Variants in KCNH1 observed in about 807,000 individuals in gnomAD.
The protein encoded by KCNH1 is potassium voltage-gated channel subfamily H member 1, also known as voltage-gated delayed rectifier potassium channel KCNH1.
Under a neutral mutation model 69.2 loss-of-function variants are expected in KCNH1, and 27 were observed. That is an observed-to-expected ratio of 0.39 (90% CI 0.29 to 0.54). The LOEUF is 0.54. Ranked by LOEUF, KCNH1 falls within the 20% of genes least tolerant of loss-of-function variation. KCNH1 has a pLI of 0.68. For missense variants in KCNH1, 798 were observed against 1,261.6 expected (o/e 0.63, Z 5.57); for synonymous variants, 456 against 487.7 (o/e 0.93, Z 0.86).
At chr1:211,061,359 C>T (rs1690430472) in intron 5 of KCNH1, among the ~76,000 whole-genome samples, 1 of 151,944 alleles carries the variant, frequency 6.6e-6, no homozygotes, top group East Asian at 1.9e-4. Context: ...TAGTATAATA[C>T]CGAATGGGGA....
chr1:211,102,319 C>T (rs550977834), intron 3 of KCNH1, among the ~76,000 whole-genome samples: 35 of 152,270 alleles, frequency 2.3e-4, no homozygotes, highest in Admixed American at 7.2e-4. Context: ...GAGAAAGCCA[C>T]GGTTGGTATG....
rs1020001293 is a variant in KCNH1, at chr1:211,134,132, G to C, written c.-187C>G. On this transcript the variant is annotated 5_prime_UTR_variant, in exon 1 of 11. Coordinates refer to ENST00000271751, the MANE Select transcript of KCNH1 (RefSeq NM_172362.3). The surrounding 1 kb of genome is among the most constrained non-coding windows in gnomAD (Gnocchi z 5.7). ...GCCCTCTTCGCGCCTCCCTCCCTGC[G>C]GCCCGCCTCGCAGTGCACTCGCGCC... is the stretch of plus-strand genomic sequence containing the variant. 1.0e-5 allele frequency: 5 copies of C among 482,398 alleles called. No homozygotes were observed. Among genetic ancestry groups the C allele is most frequent in the Admixed American group, 4.4e-5 (1 of 22,746 alleles). The allele number at this position is 482,398 out of a possible 1,614,324, so 29.9% of individuals were successfully genotyped here.
intron 9 of KCNH1, among the ~76,000 whole-genome samples, chr1:210,790,314 G>C (rs1684187994): frequency 6.6e-6 from 1 of 152,150 alleles, no homozygotes; most frequent in Non-Finnish European, 1.5e-5. Context: ...AATGTAACAA[G>C]TCAAAATGAA....
At chr1:211,046,054 TAC>T (rs1412511296) in intron 5 of KCNH1, among the ~76,000 whole-genome samples, 1 of 152,222 alleles carries the variant, frequency 6.6e-6, no homozygotes, top group Non-Finnish European at 1.5e-5. Flanking sequence ...CATAGTGTTA[TAC>T]ACCCTATTTC....
chr1:210,847,996 T>C lies in KCNH1; in HGVS notation c.1463-43830A>G, dbSNP rs140590095. On this transcript the variant is annotated intron_variant, in intron 7 of 10. Coordinates refer to ENST00000271751, the MANE Select transcript of KCNH1 (RefSeq NM_172362.3). ...TGTCGTTTAAGATGAAAAACAGTGA[T>C]AACTGCTGAGAAATCTCAGCCTTAA... 3.6e-3 allele frequency among the ~76,000 whole-genome samples: 554 copies of C among 152,230 alleles called. 4 individuals carry two copies. The highest frequency in any genetic ancestry group is 0.013 in the African/African-American group (530 of 41,540).
At chr1:211,032,161 G>A (rs1689797704) in intron 5 of KCNH1, among the ~76,000 whole-genome samples, 1 of 152,138 alleles carries the variant, frequency 6.6e-6, no homozygotes, top group Admixed American at 6.6e-5. Flanking sequence ...CCCATTCACA[G>A]TAGCTTCAAA....
At chr1:210,823,781 G>C (rs1684980719) in intron 7 of KCNH1, among the ~76,000 whole-genome samples, 1 of 152,106 alleles carries the variant, frequency 6.6e-6, no homozygotes, top group Non-Finnish European at 1.5e-5. Flanking sequence ...CAACCAAGTG[G>C]TAGAGCCAAG....
intron 6 of KCNH1, among the ~76,000 whole-genome samples, chr1:210,991,278 T>C (rs1447441364): frequency 8.5e-5 from 13 of 152,148 alleles, no homozygotes; most frequent in Admixed American, 8.5e-4. Flanking sequence ...TACAGCGTTT[T>C]TTAAGAAGAA....
chr1:211,035,453 T>G (rs1273523808), intron 5 of KCNH1, among the ~76,000 whole-genome samples: 2 of 151,336 alleles, frequency 1.3e-5, no homozygotes, highest in African/African-American at 2.4e-5. Context: ...TTTCACCGTT[T>G]TAGCCGGGAT....
chr1:211,053,411 T>A (rs1404628117), intron 5 of KCNH1, among the ~76,000 whole-genome samples: 3 of 152,166 alleles, frequency 2.0e-5, no homozygotes, highest in Non-Finnish European at 4.4e-5. Flanking sequence ...GCAGGGGTTA[T>A]CGGAACCAGT....
intron 1 of KCNH1, among the ~76,000 whole-genome samples, chr1:211,120,430 T>C (rs1571663392): frequency 6.6e-6 from 1 of 152,266 alleles, no homozygotes; most frequent in Non-Finnish European, 1.5e-5. Flanking sequence ...CCTCAGCTGA[T>C]CCACCTGCCT....
At chr1:210,887,722 C>CAA (rs35066964) in intron 7 of KCNH1, among the ~76,000 whole-genome samples, 480 of 54,948 alleles carry the variant, frequency 8.7e-3, no homozygotes, top group East Asian at 0.024. Flanking sequence ...AATGGAAAGC[C>CAA]AAAAAAAAAA....
At chr1:211,042,423 T>C (rs1340094159) in intron 5 of KCNH1, among the ~76,000 whole-genome samples, 1 of 152,198 alleles carries the variant, frequency 6.6e-6, no homozygotes, top group East Asian at 1.9e-4. Context: ...CATATAGTGT[T>C]GAACAAAAGT....
chr1:210,928,178 C>T (rs1405100847), intron 6 of KCNH1, among the ~76,000 whole-genome samples: 1 of 152,016 alleles, frequency 6.6e-6, no homozygotes, highest in Non-Finnish European at 1.5e-5. Context: ...AACAAAGAAA[C>T]AAACTTAAAC....
chr1:210,872,860 C>A (rs905129336), intron 7 of KCNH1, among the ~76,000 whole-genome samples: 1 of 152,182 alleles, frequency 6.6e-6, no homozygotes, highest in Non-Finnish European at 1.5e-5. Flanking sequence ...GGTGGGGACA[C>A]AGATCCAAAC....
At chr1:210,965,595 TAC>T (rs762156637) in intron 6 of KCNH1, among the ~76,000 whole-genome samples, 1 of 150,030 alleles carries the variant, frequency 6.7e-6, no homozygotes, top group Non-Finnish European at 1.5e-5. Context: ...CACCAATAAT[TAC>T]ACAGAGTCAA....
At chr1:210,718,922 G>T (rs1000811012) in intron 10 of KCNH1, among the ~76,000 whole-genome samples, 2 of 151,770 alleles carry the variant, frequency 1.3e-5, no homozygotes, top group Non-Finnish European at 2.9e-5. Flanking sequence ...AGTCTGTGGG[G>T]ATCAATGATA....
At chr1:211,047,880 AAG>A (rs1468954068) in intron 5 of KCNH1, among the ~76,000 whole-genome samples, 1 of 152,194 alleles carries the variant, frequency 6.6e-6, no homozygotes, top group African/African-American at 2.4e-5. Flanking sequence ...TCCTATCAAA[AAG>A]TGGGCTAAGG....
In KCNH1 at chr1:210,954,413, T is replaced by C. The variant is rs187745404; in HGVS notation, c.1033-34344A>G. Among the ~76,000 whole-genome samples, 126 of 152,278 alleles carry C rather than the reference T, an allele frequency of 8.3e-4. 1 individual carries two copies. The East Asian group carries it at 0.021, about 25-fold the overall frequency. On this transcript the variant is annotated intron_variant, in intron 6 of 10. Transcript: ENST00000271751. ...AGAATGATTTATAATGCTTTGGGTA[T>C]ATACCCAGTAATGGGATTGCTGGGT... is the stretch of plus-strand genomic sequence containing the variant.
Sources: allele counts gnomAD v4.1 joint callset (sites outside exome capture counted in the v4.1 genomes callset), GRCh38; gene constraint gnomAD v4.1.1; non-coding constraint Gnocchi (gnomAD v3.1); transcripts MANE v1.5; gene names NCBI Gene and HGNC (gene_info 2026-07-23, HGNC 2026-07-21).